CALN1: variants seen among roughly 807,000 people sequenced by gnomAD.
CALN1 encodes the protein calcium-binding protein 8.
CALN1 carries 17 observed loss-of-function variants against 30.6 expected under a neutral mutation model. The ratio of observed to expected loss-of-function variants is 0.56; its 90% CI spans 0.38 to 0.83. The LOEUF (loss-of-function observed/expected upper bound fraction) is 0.83, where lower values mean the gene tolerates loss of function less well. CALN1 is among the 40% of genes least tolerant of loss of function. The pLI, the probability that CALN1 is intolerant of heterozygous loss-of-function variation, is 0.00. For missense variants in CALN1, 291 were observed against 354.9 expected (o/e 0.82, Z 1.45); for synonymous variants, 156 against 131.4 (o/e 1.19, Z -1.28).
At chr7:72,073,725 A>C (rs1804552674) in intron 4 of CALN1, among the ~76,000 whole-genome samples, 1 of 141,698 alleles carries the variant, frequency 7.1e-6, no homozygotes, top group Non-Finnish European at 1.5e-5. Flanking sequence ...ACAGGATCTC[A>C]TTCTGTCACC....
At chr7:72,128,779 G>C (rs2129542682) in intron 3 of CALN1, among the ~76,000 whole-genome samples, 1 of 152,330 alleles carries the variant, frequency 6.6e-6, no homozygotes, top group East Asian at 1.9e-4. Context: ...GGCTGAGGCA[G>C]GAGAATCACT....
chr7:72,200,007 G>GC (rs1226422012), intron 3 of CALN1, among the ~76,000 whole-genome samples: 1 of 152,128 alleles, frequency 6.6e-6, no homozygotes, highest in Non-Finnish European at 1.5e-5. Flanking sequence ...CCTCTACTAT[G>GC]CCCCCTTCAA....
At chr7:72,177,328 C>A (rs569385415) in intron 3 of CALN1, among the ~76,000 whole-genome samples, 1 of 152,082 alleles carries the variant, frequency 6.6e-6, no homozygotes. Context: ...TAAGACATCC[C>A]GGGCTATGTC....
chr7:72,483,438 C>T, the CALN1 span, among the ~76,000 whole-genome samples: 127 of 152,126 alleles, frequency 8.3e-4, no homozygotes, highest in African/African-American at 2.9e-3. Flanking sequence ...GCACCCACCA[C>T]CATGCCCAGC....
intron 2 of CALN1, among the ~76,000 whole-genome samples, chr7:72,302,325 G>A (rs1196253818): frequency 1.3e-5 from 2 of 152,132 alleles, no homozygotes; most frequent in Non-Finnish European, 2.9e-5. Flanking sequence ...AGCACCTAAA[G>A]CCCTAGAGGA....
In CALN1 at chr7:72,084,855, T is replaced by C. The variant is rs540778088; in HGVS notation, c.388+21296A>G. Among the ~76,000 whole-genome samples the C allele has an allele frequency of 2.0e-4, 31 of 152,254 alleles. No individual in the cohort carries two copies. In the South Asian group the frequency reaches 6.2e-3, roughly 31 times the overall value. Reference sequence around the variant, plus strand: ...TCAACTGCGGTTGGAAAATATTAAATGGAAAATTCCAGATATAAACAATTC... The same window carrying C: ...TCAACTGCGGTTGGAAAATATTAAACGGAAAATTCCAGATATAAACAATTC... On this transcript the variant is annotated intron_variant, in intron 4 of 6. Coordinates refer to ENST00000395275, the MANE Select transcript of CALN1 (RefSeq NM_031468.4).
chr7:71,799,442 T>G lies in CALN1; in HGVS notation c.658+10894A>C, dbSNP rs111516402. Among the ~76,000 whole-genome samples, 695 of 139,228 alleles carry G rather than the reference T, an allele frequency of 5.0e-3. 4 individuals are homozygous for G. Among genetic ancestry groups the G allele is most frequent in the African/African-American group, 0.019 (640 of 34,036 alleles). The allele number at this position is 139,228 out of a possible 152,430, so 91.3% of individuals were successfully genotyped here. A position where few individuals can be genotyped will look rare whatever the true frequency, so the allele number is the denominator to read the frequency against. On this transcript the variant is annotated intron_variant, in intron 6 of 6. Coordinates refer to ENST00000395275, the MANE Select transcript of CALN1 (RefSeq NM_031468.4). ...GTCTTTTTATTTATTTATTTATTTA[T>G]TTATTTATTTAGTTAGTTAGTTAGT...
intron 3 of CALN1, among the ~76,000 whole-genome samples, chr7:72,164,006 C>T (rs763897461): frequency 1.2e-4 from 18 of 151,982 alleles, no homozygotes; most frequent in Admixed American, 5.2e-4. Flanking sequence ...GAAACCTATA[C>T]ACATTAAAGA....
chr7:72,269,674 G>T (rs1328458254), intron 3 of CALN1, among the ~76,000 whole-genome samples: 2 of 152,090 alleles, frequency 1.3e-5, no homozygotes, highest in African/African-American at 4.8e-5. Context: ...AATTTAAGGT[G>T]GTCAGCCAGT....
intron 2 of CALN1, among the ~76,000 whole-genome samples, chr7:72,288,165 G>C (rs964771220): frequency 3.0e-4 from 46 of 152,186 alleles, no homozygotes; most frequent in Non-Finnish European, 3.5e-4. Flanking sequence ...GGCCTGACCG[G>C]GGCTGGAGGA....
intron 2 of CALN1, among the ~76,000 whole-genome samples, chr7:72,296,981 T>C (rs1339615831): frequency 3.3e-5 from 5 of 152,150 alleles, no homozygotes; most frequent in Non-Finnish European, 7.3e-5. Context: ...TTTGAATGTG[T>C]TTGCTCTTGC....
chr7:72,148,542 T>C (rs1585040989), intron 3 of CALN1, among the ~76,000 whole-genome samples: 1 of 152,118 alleles, frequency 6.6e-6, no homozygotes, highest in East Asian at 1.9e-4. Context: ...GGGTCTACAG[T>C]GAGCCATCAT....
chr7:72,256,865 C>A (rs1470736879), intron 3 of CALN1, among the ~76,000 whole-genome samples: 6 of 152,110 alleles, frequency 3.9e-5, no homozygotes, highest in Admixed American at 3.3e-4. Flanking sequence ...ACATGCCAAG[C>A]AATAGTACTA....
At chr7:72,468,627 G>T in the CALN1 span, among the ~76,000 whole-genome samples, 1 of 152,134 alleles carries the variant, frequency 6.6e-6, no homozygotes, top group Non-Finnish European at 1.5e-5. Flanking sequence ...GTTCAACTTC[G>T]TGAGGCACAA....
chr7:71,992,997 TAAGAAAGAGAACCATTGGAG>T (rs137911053), intron 5 of CALN1, among the ~76,000 whole-genome samples: 28,814 of 151,626 alleles, frequency 0.19, 4,805 homozygotes, highest in African/African-American at 0.44. Flanking sequence ...CCTTCGCTCA[TAAGAAAGAGAACCATTGGAG>T]AAGAAAGAGA....
chr7:72,089,333 G>A (rs953239655), intron 4 of CALN1, among the ~76,000 whole-genome samples: 150 of 152,094 alleles, frequency 9.9e-4, no homozygotes, highest in African/African-American at 3.3e-3. Flanking sequence ...CAGTTGGGTG[G>A]ATAATATAAA....
intron 2 of CALN1, among the ~76,000 whole-genome samples, chr7:72,287,308 A>G (rs1230311428): frequency 6.6e-6 from 1 of 151,978 alleles, no homozygotes; most frequent in Admixed American, 6.6e-5. Context: ...ATATTGTATC[A>G]TTGCTGTGCC....
chr7:71,903,540 A>G (rs1793975473), intron 5 of CALN1, among the ~76,000 whole-genome samples: 1 of 152,214 alleles, frequency 6.6e-6, no homozygotes, highest in African/African-American at 2.4e-5. Flanking sequence ...CACATCTTAT[A>G]CAAAAATCAA....
intron 2 of CALN1, among the ~76,000 whole-genome samples, chr7:72,381,802 G>A (rs1204522381): frequency 1.3e-5 from 2 of 152,110 alleles, no homozygotes; most frequent in South Asian, 2.1e-4. Flanking sequence ...AACCACCATG[G>A]CACATGTATA....
Sources: allele counts gnomAD v4.1 joint callset (sites outside exome capture counted in the v4.1 genomes callset), GRCh38; gene constraint gnomAD v4.1.1; transcripts MANE v1.5; gene names NCBI Gene and HGNC (gene_info 2026-07-23, HGNC 2026-07-21).